The following CPAMD8 variants were observed in gnomAD, a reference collection of about 807,000 sequenced individuals.
The protein encoded by CPAMD8 is C3 and PZP like alpha-2-macroglobulin domain containing 8.
CPAMD8 carries 146 observed loss-of-function variants against 224.7 expected under a neutral mutation model. The ratio of observed to expected loss-of-function variants is 0.65; its 90% confidence interval spans 0.57 to 0.75. The LOEUF is 0.75. Among genes scored for constraint, CPAMD8 ranks in the 30% least tolerant of loss-of-function variants. The probability of loss-of-function intolerance (pLI) is 0.00; values close to 1 mark genes in which losing one functional copy is unlikely to be tolerated. For synonymous variants in CPAMD8, 966 were observed against 1,044.6 expected (o/e 0.92, Z 1.45); for missense variants, 2,301 against 2,537.5 (o/e 0.91, Z 2.00).
intron 11 of CPAMD8, 65 bp downstream of exon 11, chr19:16,997,046 T>C: frequency 1.0e-6 from 1 of 969,774 alleles, no homozygotes; most frequent in East Asian, 2.4e-5. Flanking sequence ...GCAGAGCTAG[T>C]GGCTAGTGGT....
chr19:16,957,969 T>C (rs2054528447), intron 18 of CPAMD8, 54 bp from the exon 19 acceptor site: 9 of 1,511,994 alleles, frequency 6.0e-6, no homozygotes, highest in Non-Finnish European at 7.3e-6. Context: ...ACAAATCTTA[T>C]GTGAACCTAG....
At chr19:17,024,039 G>A (rs2057020737) in intron 1 of CPAMD8, among the ~76,000 whole-genome samples, 1 of 152,202 alleles carries the variant, frequency 6.6e-6, no homozygotes, top group South Asian at 2.1e-4. Context: ...AAAGGAGAAA[G>A]TCATTGCATG....
intron 22 of CPAMD8, among the ~76,000 whole-genome samples, chr19:16,944,279 A>G (rs1216901099): frequency 2.6e-5 from 4 of 152,144 alleles, no homozygotes; most frequent in Non-Finnish European, 5.9e-5. Context: ...TTCTAATTGT[A>G]GCTTCATCTT....
intron 12 of CPAMD8, among the ~76,000 whole-genome samples, chr19:16,992,907 G>A (rs982812894): frequency 3.3e-5 from 5 of 151,716 alleles, no homozygotes; most frequent in African/African-American, 1.2e-4. Flanking sequence ...CTGCAGCCTG[G>A]GCAACAGAGC....
chr19:17,017,994 C>T (rs1445581893), intron 3 of CPAMD8, among the ~76,000 whole-genome samples: 6 of 150,252 alleles, frequency 4.0e-5, no homozygotes, highest in Admixed American at 1.3e-4. Context: ...GATTGCATCA[C>T]TGCACTCCAG....
chr19:17,008,420 C>T, intron 7 of CPAMD8, 85 bp downstream of exon 7: 10 of 1,505,694 alleles, frequency 6.6e-6, no homozygotes, highest in Admixed American at 1.8e-5. Context: ...GGTACATTAG[C>T]GGTGGGCCCT....
At position 16,899,402 on chromosome 19, in the gene CPAMD8, AG is replaced by A. The variant is rs773282465; in HGVS notation, c.4848+72del. On this transcript the variant is annotated intron_variant, in intron 37 of 41. Coordinates refer to ENST00000443236, the MANE Select transcript of CPAMD8 (RefSeq NM_015692.5). This position sits in a 1 kb window ranked among gnomAD's most constrained non-coding sequence, Gnocchi z 5.4. Reference sequence around the variant, plus strand: ...CAAGATACTTGCAGGGAGCCACACCAGGCAGTGACCGGTGCACCCTCACCAA... The same window carrying A: ...CAAGATACTTGCAGGGAGCCACACCAGCAGTGACCGGTGCACCCTCACCAA... The A allele has an allele frequency of 7.3e-5, 57 of 779,352 alleles. No individual in the cohort carries two copies. Among genetic ancestry groups the A allele is most frequent in the Non-Finnish European group, 1.2e-4 (52 of 423,960 alleles). The allele number at this position is 779,352 out of a possible 1,614,324, so 48.3% of individuals were successfully genotyped here.
chr19:17,016,525 C>G (rs551530608), intron 3 of CPAMD8, among the ~76,000 whole-genome samples: 4 of 152,260 alleles, frequency 2.6e-5, no homozygotes, highest in African/African-American at 9.6e-5. Context: ...CTTTGGGAGG[C>G]TGAGGCAGGT....
Position 16,928,188 on chromosome 19 carries a change from C to T in CPAMD8, c.3191G>A (p.Trp1064Ter). 6.2e-7 allele frequency: 1 copy of T among 1,614,108 alleles called. No homozygotes were observed. The highest frequency in any genetic ancestry group is 8.5e-7 in the Non-Finnish European group (1 of 1,180,038). ...EPSNESVIVAWTLPRPPEVQF... is the reference protein window; with the variant it reads ...EPSNESVIVA ...GACCTCTGGTGGCCTCGGGAGGGTC[C>T]AGGCCACAATGACAGACTCATTGGA... The change falls in exon 25 of 42, where the codon TGG becomes TAG. Residue 1064 changes from tryptophan (W) to a stop codon, truncating the protein, a stop_gained. Transcript: ENST00000443236. LOFTEE classifies it high-confidence loss of function.
chr19:16,897,787 G>A lies in CPAMD8; in HGVS notation c.4969C>T (p.Arg1657Cys), dbSNP rs938299527. ...CTGTGGGTGCTGACGTTGTAGAAGC[G>A]AGTGGCCTCGAAGGCTACGGGACGA... The part of the protein sequence containing the change: ...DYYEPAFEAT[R>C]FYNVSTHSPL... The change falls in exon 39 of 42, where the codon CGC (arginine) becomes TGC (cysteine). Residue 1657 changes from arginine to cysteine, a missense_variant. Physicochemically the swap from Arg to Cys is radical, Grantham distance 180. Transcript: ENST00000443236. 6 of 1,584,586 alleles carry A rather than the reference G, an allele frequency of 3.8e-6. No homozygotes were observed. In the Admixed American group the frequency reaches 1.1e-4, roughly 29 times the overall value.
At chr19:17,022,294 A>C in intron 1 of CPAMD8, 113 bp from the exon 2 acceptor site, 1 of 1,216,280 alleles carries the variant, frequency 8.2e-7, no homozygotes, top group Non-Finnish European at 1.2e-6. Context: ...TGCTGACCAC[A>C]CCTGGCTGGC....
chr19:16,991,582 C>T (rs570078234), intron 12 of CPAMD8, among the ~76,000 whole-genome samples: 1 of 152,208 alleles, frequency 6.6e-6, no homozygotes, highest in South Asian at 2.1e-4. Flanking sequence ...GGGCCGGGTA[C>T]GGTGGCTCAC....
At chr19:16,919,222 G>GAATA (rs1292807209) in intron 27 of CPAMD8, among the ~76,000 whole-genome samples, 2 of 151,632 alleles carry the variant, frequency 1.3e-5, no homozygotes, top group Non-Finnish European at 2.9e-5. Flanking sequence ...AAAAAAAAAA[G>GAATA]GAATAGAATA....
At chr19:16,907,974 A>G (rs768799392) in intron 29 of CPAMD8, among the ~76,000 whole-genome samples, 15 of 152,188 alleles carry the variant, frequency 9.9e-5, no homozygotes, top group East Asian at 1.9e-4. Flanking sequence ...GCCCAAGTGC[A>G]TGGCAAATGA....
intron 2 of CPAMD8, 85 bp downstream of exon 2, chr19:17,021,945 C>A: frequency 7.4e-7 from 1 of 1,360,368 alleles, no homozygotes; most frequent in Non-Finnish European, 9.9e-7. Context: ...AAGCAACACC[C>A]ACACTGCCCC....
intron 29 of CPAMD8, chr19:16,910,382 C>T (rs191594359): frequency 6.6e-6 from 1 of 151,748 alleles, no homozygotes; most frequent in Admixed American, 6.6e-5. Context: ...GTTGGTCAGG[C>T]TGGTCTCGAA....
rs561526985 is a variant in CPAMD8, at chr19:16,999,480, G to T, written c.867+934C>A. Among the ~76,000 whole-genome samples the T allele has an allele frequency of 6.6e-5, 10 of 151,928 alleles. No individual in the cohort carries two copies. In the East Asian group the frequency reaches 1.9e-3, roughly 30 times the overall value. On this transcript the variant is annotated intron_variant, in intron 10 of 41. Coordinates refer to ENST00000443236, the MANE Select transcript of CPAMD8 (RefSeq NM_015692.5). ...GGCACCTATAGTCCCAGCTACTGGG[G>T]AGGCTGAGGCAGGAGAATGGCATGA...
chr19:16,897,992 G>A lies in CPAMD8; in HGVS notation c.4851C>T (p.Ile1617=). 3 of 1,609,088 alleles carry A rather than the reference G, an allele frequency of 1.9e-6. No homozygotes were observed. Among genetic ancestry groups the A allele is most frequent in the East Asian group, 2.2e-5 (1 of 44,724 alleles). Residue 1617 remains isoleucine, a splice_region_variant and synonymous_variant, in exon 38 of 42, where the codon ATC becomes ATT. Transcript: ENST00000443236. The part of the protein sequence containing the change: ...GRRVLFYFDE[I]PSRCLTCVRF... ...GCACGCACGTCAGGCACCGGCTGGG[G>A]ATCTGTGGGGCAGCGGCGGGCGCAG...
intron 20 of CPAMD8, among the ~76,000 whole-genome samples, chr19:16,949,980 T>G (rs2122331432): frequency 6.6e-6 from 1 of 152,228 alleles, no homozygotes; most frequent in East Asian, 1.9e-4. Context: ...CCCTTCTTCC[T>G]TGGCCCACAC....
Sources: allele counts gnomAD v4.1 joint callset (sites outside exome capture counted in the v4.1 genomes callset), GRCh38; gene constraint gnomAD v4.1.1; non-coding constraint Gnocchi (gnomAD v3.1); transcripts MANE v1.5; gene names NCBI Gene and HGNC (gene_info 2026-07-23, HGNC 2026-07-21).